U2SURP: variants seen among roughly 807,000 people sequenced by gnomAD.
The protein encoded by U2SURP is U2 snRNP-associated SURP motif-containing protein.
Under a neutral mutation model 144.9 loss-of-function variants are expected in U2SURP, and 9 were observed. That is an observed-to-expected ratio of 0.06 (90% CI 0.04 to 0.11). U2SURP has a LOEUF of 0.11. U2SURP is among the 10% of genes least tolerant of loss of function. The probability of loss-of-function intolerance (pLI) is 1.00; values close to 1 mark genes in which losing one functional copy is unlikely to be tolerated. For synonymous variants in U2SURP, 408 were observed against 396.8 expected (o/e 1.03, Z -0.33); for missense variants, 724 against 1,226.7 (o/e 0.59, Z 6.12).
At chr3:143,044,783 C>T (rs1384462377) in intron 24 of U2SURP, among the ~76,000 whole-genome samples, 1 of 152,200 alleles carries the variant, frequency 6.6e-6, no homozygotes, top group African/African-American at 2.4e-5. Flanking sequence ...CACTTCTCCA[C>T]ATAGTCACTG....
chr3:143,007,097 C>T (rs1935871181), intron 1 of U2SURP, among the ~76,000 whole-genome samples: 1 of 152,150 alleles, frequency 6.6e-6, no homozygotes, highest in African/African-American at 2.4e-5. Flanking sequence ...TAGTTGGCTT[C>T]ACTTTTATCC....
At chr3:143,004,166 C>T (rs549411451) in intron 1 of U2SURP, among the ~76,000 whole-genome samples, 1 of 152,182 alleles carries the variant, frequency 6.6e-6, no homozygotes, top group South Asian at 2.1e-4. Context: ...TGAACAGATA[C>T]TTCTGTTTCA....
intron 23 of U2SURP, among the ~76,000 whole-genome samples, chr3:143,039,409 A>G (rs1933980378): frequency 6.6e-6 from 1 of 151,878 alleles, no homozygotes; most frequent in African/African-American, 2.4e-5. Flanking sequence ...ACAAAGGAAA[A>G]AATCTTTTCT....
intron 3 of U2SURP, 96 bp downstream of exon 3, chr3:143,012,449 A>T: frequency 8.1e-7 from 1 of 1,231,294 alleles, no homozygotes; most frequent in East Asian, 2.7e-5. Context: ...TTGGTTTTGT[A>T]TGTGTTTCAT....
Position 143,057,617 on chromosome 3 carries a change from T to C in U2SURP, c.*1167T>C, listed in dbSNP as rs1187598595. On this transcript the variant is annotated 3_prime_UTR_variant, in exon 28 of 28. Transcript: ENST00000473835. ...TGTAATGTTGGTCATAATACTGCTA[T>C]AAATATAATAAAGGGTTATGTAGAA... 3.3e-5 allele frequency: 5 copies of C among 151,952 alleles called. No individual in the cohort carries two copies. Among genetic ancestry groups the C allele is most frequent in the Admixed American group, 6.6e-5 (1 of 15,260 alleles). The allele number at this position is 151,952 out of a possible 1,614,324, so 9.4% of individuals were successfully genotyped here.
chr3:143,038,870 C>T, intron 22 of U2SURP, 24 bp from the exon 23 acceptor site: 5 of 1,517,628 alleles, frequency 3.3e-6, no homozygotes, highest in Non-Finnish European at 4.4e-6. Flanking sequence ...CGTGGAATTA[C>T]ATCCTCCTTT....
chr3:143,022,648 T>C lies in U2SURP; in HGVS notation c.1004T>C (p.Leu335Ser). The part of the protein sequence containing the change: ...FMNRRDAERA[L>S]KNLNGKMIMS... ...AATAGAAGAGATGCTGAAAGAGCTT[T>C]AAAAAATTTGAATGGTAAGAACATT... Residue 335 changes from leucine (L) to serine (S), a missense_variant, in exon 11 of 28, where the codon TTA becomes TCA. Transcript: ENST00000473835. 1 of 1,610,148 alleles carries C rather than the reference T, an allele frequency of 6.2e-7. No individual in the cohort carries two copies. Among genetic ancestry groups the C allele is most frequent in the Non-Finnish European group, 8.5e-7 (1 of 1,178,894 alleles).
At position 143,037,180 on chromosome 3, in the gene U2SURP, A is replaced by C; in HGVS notation, c.2066A>C (p.Asp689Ala). ...TTATAATAGTACACATTTCCATAGGATGTTCCAGATGACCTTGATGGTGCC... is the reference window on the plus strand; with the variant it reads ...TTATAATAGTACACATTTCCATAGGCTGTTCCAGATGACCTTGATGGTGCC... The part of the protein sequence containing the change: ...VNIIEEKETE[D>A]VPDDLDGAPI... The change falls in exon 21 of 28, where the codon GAT (aspartate) becomes GCT (alanine). Residue 689 changes from aspartate to alanine, a missense_variant and splice_region_variant. By Grantham distance (126) the Asp-to-Ala change is moderately radical. Around this residue, in one of 13 missense-constraint regions of U2SURP, gnomAD observed 116 missense variants for 167.9 expected, o/e 0.69. Transcript: ENST00000473835. 1.2e-6 allele frequency: 2 copies of C among 1,610,596 alleles called. No individual in the cohort carries two copies. Among genetic ancestry groups the C allele is most frequent in the Non-Finnish European group, 1.7e-6 (2 of 1,178,338 alleles).
At chr3:143,045,008 G>A (rs117507562) in intron 24 of U2SURP, among the ~76,000 whole-genome samples, 2 of 152,238 alleles carry the variant, frequency 1.3e-5, no homozygotes, top group East Asian at 3.9e-4. Flanking sequence ...ATGTGTGTCA[G>A]TGAACACACT....
chr3:143,001,652 A>T lies in U2SURP; in HGVS notation c.24A>T (p.Gly8=), dbSNP rs767597694. 2 of 1,614,016 alleles carry T rather than the reference A, an allele frequency of 1.2e-6. No homozygotes were observed. The highest frequency in any genetic ancestry group is 2.2e-5 in the South Asian group (2 of 91,072). MADKTPG[G]SQKASSKTRS... ...AGATGGCGGACAAAACGCCAGGCGG[A>T]TCTCAGAAGGCCAGTTCAAAGGTAA... is the stretch of plus-strand genomic sequence containing the variant. The change falls in exon 1 of 28, where the codon GGA becomes GGT. Residue 8 remains glycine, a synonymous_variant. Coordinates refer to ENST00000473835, the MANE Select transcript of U2SURP (RefSeq NM_001080415.2).
In U2SURP at chr3:143,060,588, T is replaced by C. The variant is rs963123413; in HGVS notation, c.*4138T>C. The stretch of plus-strand genomic sequence containing the variant: ...AATTTTCTCCATATTGTTTTTCCGA[T>C]GCAAGCCCAGTTAATAATTAGTTTT... On this transcript the variant is annotated 3_prime_UTR_variant, in exon 28 of 28. Coordinates refer to ENST00000473835, the MANE Select transcript of U2SURP (RefSeq NM_001080415.2). The C allele has an allele frequency of 2.0e-5, 3 of 151,982 alleles. No homozygotes were observed. The highest frequency in any genetic ancestry group is 4.8e-5 in the African/African-American group (2 of 41,436). 9.4% of individuals were successfully genotyped at this position (151,982 alleles called of 1,614,324 possible). A position where few individuals can be genotyped will look rare whatever the true frequency, so the allele number is the denominator to read the frequency against.
At chr3:143,018,216 T>G (rs1401096542) in intron 6 of U2SURP, among the ~76,000 whole-genome samples, 1 of 152,142 alleles carries the variant, frequency 6.6e-6, no homozygotes, top group Non-Finnish European at 1.5e-5. Flanking sequence ...TTCTATTAAC[T>G]TCAGTCCCTG....
chr3:143,014,058 CT>C (rs3832220), intron 3 of U2SURP, among the ~76,000 whole-genome samples: 64,508 of 149,594 alleles, frequency 0.43, 15,952 homozygotes, highest in African/African-American at 0.7. Flanking sequence ...CTATTTTTAC[CT>C]TTTTTTTTTA....
At chr3:143,009,379 C>T (rs1248138334) in intron 1 of U2SURP, among the ~76,000 whole-genome samples, 1 of 151,956 alleles carries the variant, frequency 6.6e-6, no homozygotes, top group South Asian at 2.1e-4. Context: ...GGACAGATCA[C>T]CTGAGGTCAG....
intron 25 of U2SURP, among the ~76,000 whole-genome samples, chr3:143,051,670 C>A (rs1934872037): frequency 6.8e-6 from 1 of 146,934 alleles, no homozygotes; most frequent in Non-Finnish European, 1.5e-5. Flanking sequence ...TAGGAAAGAG[C>A]CATAAAAAGG....
intron 24 of U2SURP, among the ~76,000 whole-genome samples, chr3:143,047,019 T>A (rs375046278): frequency 1.6e-5 from 2 of 123,268 alleles, no homozygotes; most frequent in Admixed American, 1.5e-4. Context: ...ACCTCCCTCC[T>A]GGATGGGGCG....
At position 143,037,353 on chromosome 3, in the gene U2SURP, A is replaced by G. The variant is rs1933867300; in HGVS notation, c.2221+18A>G. The G allele has an allele frequency of 1.2e-6, 2 of 1,606,930 alleles. No individual in the cohort carries two copies. Among genetic ancestry groups the G allele is most frequent in the Non-Finnish European group, 1.7e-6 (2 of 1,175,984 alleles). Reference sequence around the variant, plus strand: ...AGTGCCTTGTAAGTTCAGATTTCAAACTGATTAAATCTAGCTAATACATTT... The same window carrying G: ...AGTGCCTTGTAAGTTCAGATTTCAAGCTGATTAAATCTAGCTAATACATTT... On this transcript the variant is annotated intron_variant, in intron 21 of 27. Coordinates refer to ENST00000473835, the MANE Select transcript of U2SURP (RefSeq NM_001080415.2).
At chr3:143,019,899 G>C (rs1936551138) in intron 6 of U2SURP, 70 bp from the exon 7 acceptor site, 2 of 770,276 alleles carry the variant, frequency 2.6e-6, no homozygotes, top group Admixed American at 7.7e-5. Flanking sequence ...ATGTAAAAAG[G>C]CTCTTATTAT....
At chr3:143,052,113 G>A (rs1169448845) in intron 25 of U2SURP, among the ~76,000 whole-genome samples, 3 of 152,182 alleles carry the variant, frequency 2.0e-5, no homozygotes, top group African/African-American at 7.2e-5. Context: ...ATGGCTGGGC[G>A]CAGTTGCTCA....
Sources: allele counts gnomAD v4.1 joint callset (sites outside exome capture counted in the v4.1 genomes callset), GRCh38; gene constraint gnomAD v4.1.1; regional missense constraint gnomAD v4.1.1; transcripts MANE v1.5; gene names NCBI Gene and HGNC (gene_info 2026-07-23, HGNC 2026-07-21).